PLPPR3: variants seen among roughly 807,000 people sequenced by gnomAD.
PLPPR3 encodes the protein phospholipid phosphatase-related protein type 3.
A neutral mutation model predicts 27.3 loss-of-function variants in PLPPR3; 14 were observed. The ratio of observed to expected loss-of-function variants is 0.51; its 90% confidence interval spans 0.34 to 0.80. The LOEUF (loss-of-function observed/expected upper bound fraction) is 0.80, where lower values mean the gene tolerates loss of function less well. Among genes scored for constraint, PLPPR3 ranks in the 30% least tolerant of loss-of-function variants. The probability of loss-of-function intolerance (pLI) is 0.01; values close to 1 mark genes in which losing one functional copy is unlikely to be tolerated. For synonymous variants in PLPPR3, 671 were observed against 508.0 expected (o/e 1.32, Z -4.32); for missense variants, 1,287 against 1,056.9 (o/e 1.22, Z -3.02).
Position 814,584 on chromosome 19 carries a change from C to A in PLPPR3, c.681G>T (p.Ser227=), listed in dbSNP as rs375877763. Residue 227 remains serine, a synonymous_variant, in exon 7 of 8, where the codon TCG becomes TCT. Transcript: ENST00000520876. ...TGGGCTTCAGCAGCTTGGTGGTGTC[C>A]GAGATGACCGAGTTGAAGTACATCT... ...YVSMYFNSVI[S]DTTKLLKPIL... 2.5e-6 allele frequency: 4 copies of A among 1,612,064 alleles called. No homozygotes were observed. Among genetic ancestry groups the A allele is most frequent in the Middle Eastern group, 1.6e-4 (1 of 6,062 alleles).
In PLPPR3 at chr19:812,639, C is replaced by T. The variant is rs960052930; in HGVS notation, c.2088G>A (p.Ala696=). The change falls in exon 8 of 8, where the codon GCG becomes GCA. Residue 696 remains alanine (A), a synonymous_variant. Transcript: ENST00000520876. ...LRRHAGGLGL[A]EREAEAEAEG... ...CGGCCTCCGCCTCCGCCTCGCGCTC[C>T]GCCAGCCCCAGGCCGCCCGCGTGGC... 6 of 1,098,704 alleles carry T rather than the reference C, an allele frequency of 5.5e-6. No homozygotes were observed. Among genetic ancestry groups the T allele is most frequent in the African/African-American group, 3.5e-5 (2 of 57,902 alleles). 68.1% of individuals were successfully genotyped at this position (1,098,704 alleles called of 1,614,324 possible). A position where few individuals can be genotyped will look rare whatever the true frequency, so the allele number is the denominator to read the frequency against.
intron 2 of PLPPR3, among the ~76,000 whole-genome samples, chr19:818,689 G>T (rs377121222): frequency 6.6e-6 from 1 of 151,022 alleles, no homozygotes; most frequent in Non-Finnish European, 1.5e-5. Flanking sequence ...GCCCGCCACC[G>T]CGCCCGGCTA....
rs779364135 is a variant in PLPPR3 at position 813,149 on chromosome 19, G to A, written c.1578C>T (p.Ser526=). The A allele has an allele frequency of 6.6e-6, 10 of 1,522,342 alleles. No individual in the cohort carries two copies. The highest frequency in any genetic ancestry group is 4.8e-5 in the South Asian group (4 of 82,932). The allele number at this position is 1,522,342 out of a possible 1,614,324, so 94.3% of individuals were successfully genotyped here. The change falls in exon 8 of 8, where the codon AGC becomes AGT. Residue 526 remains serine, a synonymous_variant. Coordinates refer to ENST00000520876, the MANE Select transcript of PLPPR3 (RefSeq NM_001270366.2). The surrounding 1 kb of genome is among the most constrained non-coding windows in gnomAD (Gnocchi z 4.1). ...RAKWLMMAEK[S]GAAVANPPRL... ...GCGGAGGGTTGGCCACTGCCGCCCC[G>A]CTCTTCTCGGCCATCATGAGCCACT... is the stretch of plus-strand genomic sequence containing the variant.
Position 813,044 on chromosome 19 carries a change from G to T in PLPPR3, c.1683C>A (p.Ser561Arg). 6.6e-7 allele frequency: 1 copy of T among 1,510,778 alleles called. No individual in the cohort carries two copies. Among genetic ancestry groups the T allele is most frequent in the East Asian group, 2.7e-5 (1 of 37,636 alleles). The allele number at this position is 1,510,778 out of a possible 1,614,324, so 93.6% of individuals were successfully genotyped here. A position where few individuals can be genotyped will look rare whatever the true frequency, so the allele number is the denominator to read the frequency against. The change falls in exon 8 of 8, where the codon AGC (serine) becomes AGA (arginine). Residue 561 changes from serine (S) to arginine (R), a missense_variant. By Grantham distance (110) the Ser-to-Arg change is moderately radical. Coordinates refer to ENST00000520876, the MANE Select transcript of PLPPR3 (RefSeq NM_001270366.2). This position sits in a 1 kb window ranked among gnomAD's most constrained non-coding sequence, Gnocchi z 4.1. ...PKAAETASSS[S>R]ASSDSSQYRS... is the part of the protein sequence containing the mutation. ...GGTACTGCGAGGAGTCGGAGCTGGC[G>T]CTGGACGACGACGCCGTCTCGGCCG...
rs1437083151 is a variant in PLPPR3 at position 812,814 on chromosome 19, G to T, written c.1913C>A (p.Ser638Tyr). 9.1e-7 allele frequency: 1 copy of T among 1,100,314 alleles called. No individual in the cohort carries two copies. Among genetic ancestry groups the T allele is most frequent in the Non-Finnish European group, 1.1e-6 (1 of 902,830 alleles). The allele number at this position is 1,100,314 out of a possible 1,614,324, so 68.2% of individuals were successfully genotyped here. The change falls in exon 8 of 8, where the codon TCC becomes TAC. Residue 638 changes from serine (S) to tyrosine (Y), a missense_variant. By Grantham distance (144) the Ser-to-Tyr change is moderately radical (BLOSUM62 -2). Transcript: ENST00000520876. ...CACGTCGCTGACCGACGAGCCGGGG[G>T]ACACGCCCGGGGGCTTGGCCCCGCC... ...FRGGAKPPGV[S>Y]PGSSVSDVDQ...
chr19:813,729 T>C lies in PLPPR3; in HGVS notation c.998A>G (p.Glu333Gly). 1 of 1,525,082 alleles carries C rather than the reference T, an allele frequency of 6.6e-7. No homozygotes were observed. The highest frequency in any genetic ancestry group is 8.8e-7 in the Non-Finnish European group (1 of 1,142,120). 94.5% of individuals were successfully genotyped at this position (1,525,082 alleles called of 1,614,324 possible). A position where few individuals can be genotyped will look rare whatever the true frequency, so the allele number is the denominator to read the frequency against. ...GCGGGCCACGGGCCGGGGCGCGCCC[T>C]CCAGCCGCCCTGGGGGCCCCAGCTC... ...TDELGPPGRL[E>G]GAPRPVAREK... The change falls in exon 8 of 8, where the codon GAG becomes GGG. Residue 333 changes from glutamate (E) to glycine (G), a missense_variant. Coordinates refer to ENST00000520876, the MANE Select transcript of PLPPR3 (RefSeq NM_001270366.2). This position sits in a 1 kb window ranked among gnomAD's most constrained non-coding sequence, Gnocchi z 4.1.
At position 815,725 on chromosome 19, in the gene PLPPR3, C is replaced by T. The variant is rs1405300215; in HGVS notation, c.202G>A (p.Glu68Lys). Reference protein sequence around the residue: ...TLSMPYVETNEELIPLLMLLS... With the variant: ...TLSMPYVETNKELIPLLMLLS... ...AGCATCAGCAGCGGGATGAGCTCCT[C>T]GTTGGTCTCCACGTAGGGCATGGAG... Residue 68 changes from glutamate (E) to lysine (K), a missense_variant, in exon 3 of 8, where the codon GAG becomes AAG. Transcript: ENST00000520876. The T allele has an allele frequency of 1.4e-5, 22 of 1,610,804 alleles. No homozygotes were observed. The highest frequency in any genetic ancestry group is 8.9e-5 in the East Asian group (4 of 44,742).
At chr19:822,368 T>C (rs1483309685), upstream of PLPPR3, among the ~76,000 whole-genome samples, 3 of 142,416 alleles carry the variant, frequency 2.1e-5, no homozygotes, top group Non-Finnish European at 3.1e-5. Context: ...CGGCTCCGAC[T>C]GCCCCCGCCC....
chr19:817,088 G>C (rs1404920555), intron 2 of PLPPR3, among the ~76,000 whole-genome samples: 2 of 143,948 alleles, frequency 1.4e-5, no homozygotes, highest in African/African-American at 5.2e-5. Flanking sequence ...TTGCTCTGTT[G>C]CCCAGGCTGC....
At chr19:823,502 C>G (rs574903649), upstream of PLPPR3, among the ~76,000 whole-genome samples, 1 of 151,978 alleles carries the variant, frequency 6.6e-6, no homozygotes, top group African/African-American at 2.4e-5. Flanking sequence ...TGCTAGATAC[C>G]TTAGTTTGCT....
Position 813,397 on chromosome 19 carries a change from C to T in PLPPR3, c.1330G>A (p.Glu444Lys), listed in dbSNP as rs778872745. The T allele has an allele frequency of 3.2e-5, 48 of 1,501,702 alleles. No homozygotes were observed. The highest frequency in any genetic ancestry group is 3.7e-5 in the Non-Finnish European group (42 of 1,133,346). The allele number at this position is 1,501,702 out of a possible 1,614,324, so 93.0% of individuals were successfully genotyped here. A position where few individuals can be genotyped will look rare whatever the true frequency, so the allele number is the denominator to read the frequency against. ...TCTTCCTCTTCGTCCTCCTCCTCTT[C>T]CTCCTCCTCCGCCATGGGTTCGGCG... ...APAEPMAEEE[E>K]EEEDEEEEEE... The change falls in exon 8 of 8, where the codon GAA (glutamate) becomes AAA (lysine). Residue 444 changes from glutamate (E) to lysine (K), a missense_variant. Glu to Lys is a moderately conservative substitution (Grantham distance 56, BLOSUM62 1). Coordinates refer to ENST00000520876, the MANE Select transcript of PLPPR3 (RefSeq NM_001270366.2). The surrounding 1 kb of genome is among the most constrained non-coding windows in gnomAD (Gnocchi z 4.1).
chr19:814,731 C>A lies in PLPPR3; in HGVS notation c.618G>T (p.Gln206His). The change falls in exon 6 of 8, where the codon CAG (glutamine) becomes CAT (histidine). Residue 206 changes from glutamine (Q) to histidine (H), a missense_variant. By Grantham distance (24) the Gln-to-His change is conservative. Transcript: ENST00000520876. ...CGGCGAAGGCTGACAGCGTGGCGTG[C>A]TGGGACGGGAAGGTCTTCCTGTAAG... ...ILSARKTFPS[Q>H]HATLSAFAAV... 1 of 1,579,854 alleles carries A rather than the reference C, an allele frequency of 6.3e-7. No individual in the cohort carries two copies. The highest frequency in any genetic ancestry group is 8.6e-7 in the Non-Finnish European group (1 of 1,166,482).
At chr19:823,561 C>T (rs569968142), upstream of PLPPR3, among the ~76,000 whole-genome samples, 12 of 152,196 alleles carry the variant, frequency 7.9e-5, no homozygotes, top group Middle Eastern at 6.9e-3. Context: ...GCCATAAATG[C>T]GGAAACAGTT....
At chr19:818,199 A>G (rs1363675064) in intron 2 of PLPPR3, among the ~76,000 whole-genome samples, 3 of 152,090 alleles carry the variant, frequency 2.0e-5, no homozygotes, top group Admixed American at 6.6e-5. Flanking sequence ...CCTGGCCAAC[A>G]TGGTGAAACC....
At chr19:816,322 C>T (rs2035052949) in intron 2 of PLPPR3, among the ~76,000 whole-genome samples, 2 of 139,414 alleles carry the variant, frequency 1.4e-5, no homozygotes, top group Non-Finnish European at 3.1e-5. Flanking sequence ...CCCAACTGTC[C>T]ATCCATCCAC....
At chr19:817,505 C>G (rs2035080329) in intron 2 of PLPPR3, among the ~76,000 whole-genome samples, 1 of 152,168 alleles carries the variant, frequency 6.6e-6, no homozygotes, top group African/African-American at 2.4e-5. Flanking sequence ...AACTTCTGAC[C>G]TCAAGTAATC....
In PLPPR3 at chr19:812,960, G is replaced by A; in HGVS notation, c.1767C>T (p.His589=). The A allele has an allele frequency of 2.7e-6, 4 of 1,456,062 alleles. No homozygotes were observed. Among genetic ancestry groups the A allele is most frequent in the Non-Finnish European group, 3.6e-6 (4 of 1,109,626 alleles). 90.2% of individuals were successfully genotyped at this position (1,456,062 alleles called of 1,614,324 possible). Residue 589 remains histidine (H), a synonymous_variant, in exon 8 of 8, where the codon CAC becomes CAT. Coordinates refer to ENST00000520876, the MANE Select transcript of PLPPR3 (RefSeq NM_001270366.2). The part of the protein sequence containing the change: ...SIVTIDAHAP[H]HPVVHLSAGG... ...CGGCCGACAGGTGCACCACGGGGTG[G>A]TGCGGCGCGTGCGCGTCGATGGTCA...
At chr19:818,015 G>A (rs918460441) in intron 2 of PLPPR3, among the ~76,000 whole-genome samples, 1 of 152,106 alleles carries the variant, frequency 6.6e-6, no homozygotes, top group African/African-American at 2.4e-5. Context: ...TTATCAGCAT[G>A]ATTTTGCTGG....
At position 813,257 on chromosome 19, in the gene PLPPR3, C is replaced by T. The variant is rs768620991; in HGVS notation, c.1470G>A (p.Pro490=). 6 of 1,470,256 alleles carry T rather than the reference C, an allele frequency of 4.1e-6. No individual in the cohort carries two copies. The highest frequency in any genetic ancestry group is 1.3e-5 in the South Asian group (1 of 77,112). 91.1% of individuals were successfully genotyped at this position (1,470,256 alleles called of 1,614,324 possible). The stretch of plus-strand genomic sequence containing the variant: ...CCTCCGGGATGTGCACCAGCGGCGG[C>T]GGCCCCGCGCGCGGTGGGAGGATGA... ...PRVILPPRAG[P]PPLVHIPEEG... is the part of the protein sequence containing the mutation. Residue 490 remains proline (P), a synonymous_variant, in exon 8 of 8, where the codon CCG becomes CCA. Transcript: ENST00000520876. The surrounding 1 kb of genome is among the most constrained non-coding windows in gnomAD (Gnocchi z 4.1).
Sources: gnomAD v4.1 joint callset for allele counts (sites outside exome capture counted in the v4.1 genomes callset) on GRCh38, gnomAD v4.1.1 for gene constraint, Gnocchi (gnomAD v3.1) non-coding constraint, MANE v1.5 for transcripts, NCBI Gene and HGNC (gene_info 2026-07-23, HGNC 2026-07-21) for gene names.